The following ZNF708 variants were observed in gnomAD, a reference collection of about 807,000 sequenced individuals.
ZNF708 encodes zinc finger protein 708.
In ZNF708, 44 loss-of-function variants were observed where a neutral mutation model predicts 47.0. That is an observed-to-expected ratio of 0.94 (90% CI 0.74 to 1.20). The LOEUF is 1.20. ZNF708 is among the 50% of genes most tolerant of loss of function. The pLI, the probability that ZNF708 is intolerant of heterozygous loss-of-function variation, is 0.00. For missense variants in ZNF708, 557 were observed against 656.0 expected, an observed-to-expected ratio of 0.85 and a Z score of 1.65; for synonymous variants, 184 against 218.5, an observed-to-expected ratio of 0.84 and a Z score of 1.39.
intron 3 of ZNF708, 133 bp from the exon 4 acceptor site, chr19:21,294,872 A>G: frequency 1.1e-6 from 1 of 903,816 alleles, no homozygotes; most frequent in Non-Finnish European, 1.6e-6. Flanking sequence ...TTATAGACAT[A>G]TAAATGTAAC....
At chr19:21,315,115 G>A (rs868545282) in intron 1 of ZNF708, among the ~76,000 whole-genome samples, 1 of 152,270 alleles carries the variant, frequency 6.6e-6, no homozygotes, top group Middle Eastern at 3.4e-3. Context: ...TTGTGGTCTT[G>A]ATCTCTCACT....
intron 3 of ZNF708, among the ~76,000 whole-genome samples, chr19:21,296,887 CTTTG>C (rs1204418068): frequency 7.2e-5 from 11 of 151,844 alleles, no homozygotes; most frequent in African/African-American, 2.7e-4. Flanking sequence ...AATCCCAGCA[CTTTG>C]GGAGGCTGAG....
chr19:21,299,481 T>C (rs1972609859), intron 3 of ZNF708, among the ~76,000 whole-genome samples: 1 of 152,050 alleles, frequency 6.6e-6, no homozygotes, highest in Non-Finnish European at 1.5e-5. Flanking sequence ...TGAGGCACAG[T>C]GGCTCATGCC....
intron 3 of ZNF708, among the ~76,000 whole-genome samples, chr19:21,299,693 A>G (rs1972614506): frequency 6.6e-6 from 1 of 151,744 alleles, no homozygotes; most frequent in Non-Finnish European, 1.5e-5. Context: ...TAATTCCTTG[A>G]ACCCAGGAGG....
chr19:21,308,702 C>T (rs1284495404), intron 3 of ZNF708, among the ~76,000 whole-genome samples: 1 of 151,932 alleles, frequency 6.6e-6, no homozygotes, highest in African/African-American at 2.4e-5. Context: ...TGAGCCACTG[C>T]CCCCCCAGCC....
intron 3 of ZNF708, among the ~76,000 whole-genome samples, chr19:21,297,916 G>A (rs1168103811): frequency 6.6e-6 from 1 of 151,484 alleles, no homozygotes; most frequent in Non-Finnish European, 1.5e-5. Context: ...AGAGAAAAAA[G>A]GACACTGAAC....
At chr19:21,318,207 A>C (rs1973054905) in intron 1 of ZNF708, 1 of 152,206 alleles carries the variant, frequency 6.6e-6, no homozygotes, top group Non-Finnish European at 1.5e-5. Flanking sequence ...TTGCACCTTC[A>C]TAATAATGGG....
chr19:21,315,707 T>A (rs1972987403), intron 1 of ZNF708, among the ~76,000 whole-genome samples: 1 of 152,138 alleles, frequency 6.6e-6, no homozygotes, highest in East Asian at 1.9e-4. Flanking sequence ...CATTTTTTTA[T>A]TTACAAAAAT....
intron 1 of ZNF708, 113 bp downstream of exon 1, chr19:21,329,088 AGGAGAACTC>A: frequency 6.9e-7 from 1 of 1,440,254 alleles, no homozygotes; most frequent in South Asian, 1.2e-5. Flanking sequence ...GAGCTAGGCA[AGGAGAACTC>A]GGAGCGCAGA....
Position 21,293,047 on chromosome 19 carries a change from C to A in ZNF708, c.*227G>T. On this transcript the variant is annotated 3_prime_UTR_variant, in exon 4 of 4. Transcript: ENST00000356929. ...GTCTTCCAGCTTTGTAGTTTCTCTC[C>A]AGTTTAAGTTTTTTTATGTTTAGTA... 1.9e-6 allele frequency: 1 copy of A among 528,806 alleles called. No homozygotes were observed. Among genetic ancestry groups the A allele is most frequent in the Non-Finnish European group, 3.2e-6 (1 of 307,908 alleles). 32.8% of individuals were successfully genotyped at this position (528,806 alleles called of 1,614,324 possible).
At chr19:21,298,933 G>A (rs55899865) in intron 3 of ZNF708, among the ~76,000 whole-genome samples, 21,356 of 152,142 alleles carry the variant, frequency 0.14, 1,974 homozygotes, top group Non-Finnish European at 0.21. Flanking sequence ...TTAACATTAT[G>A]CAAAATGAAA....
chr19:21,306,710 C>G (rs558858574), intron 3 of ZNF708: 5 of 151,928 alleles, frequency 3.3e-5, no homozygotes, highest in Non-Finnish European at 7.4e-5. Flanking sequence ...TTTGCGAGAC[C>G]GAGGCAGGCA....
chr19:21,317,505 T>C (rs904081790), intron 1 of ZNF708, among the ~76,000 whole-genome samples: 1 of 152,216 alleles, frequency 6.6e-6, no homozygotes, highest in African/African-American at 2.4e-5. Flanking sequence ...AGAGTAAAGC[T>C]TGGTTGACAC....
chr19:21,314,376 T>C (rs575206136), intron 1 of ZNF708, among the ~76,000 whole-genome samples: 1 of 150,546 alleles, frequency 6.6e-6, no homozygotes, highest in East Asian at 1.9e-4. Flanking sequence ...GGTAATATTA[T>C]TAGAAGATAA....
intron 1 of ZNF708, among the ~76,000 whole-genome samples, chr19:21,322,394 C>T (rs542284962): frequency 2.8e-4 from 42 of 151,984 alleles, no homozygotes; most frequent in African/African-American, 9.2e-4. Flanking sequence ...CTCTGCCTCC[C>T]GGGTTCAAGT....
chr19:21,294,013 G>T lies in ZNF708; in HGVS notation c.953C>A (p.Thr318Asn), dbSNP rs1327437728. The change falls in exon 4 of 4, where the codon ACC becomes AAC. Residue 318 changes from threonine (T) to asparagine (N), a missense_variant. Physicochemically the swap from Thr to Asn is moderately conservative, Grantham distance 65. Coordinates refer to ENST00000356929, the MANE Select transcript of ZNF708 (RefSeq NM_021269.3). ...YKCGECGKAF[T>N]LSSHLTTHKR... ...ATGTGTAGTAAGGTGTGAAGATAGG[G>T]TAAAGGCTTTGCCACATTCTCCACA... 1 of 1,604,922 alleles carries T rather than the reference G, an allele frequency of 6.2e-7. No individual in the cohort carries two copies. Among genetic ancestry groups the T allele is most frequent in the African/African-American group, 1.4e-5 (1 of 72,432 alleles).
Position 21,291,160 on chromosome 19 carries a change from T to C in ZNF708, c.*2114A>G, listed in dbSNP as rs1850532942. ...TAATGAAACAAGTTCACACATCATC[T>C]GAAAATTTAAAAATGTACTGCATTT... On this transcript the variant is annotated 3_prime_UTR_variant, in exon 4 of 4. Transcript: ENST00000356929. 6.6e-6 allele frequency: 1 copy of C among 152,144 alleles called. No individual in the cohort carries two copies. Among genetic ancestry groups the C allele is most frequent in the African/African-American group, 2.4e-5 (1 of 41,450 alleles). The allele number at this position is 152,144 out of a possible 1,614,324, so 9.4% of individuals were successfully genotyped here.
At chr19:21,310,451 A>C in intron 2 of ZNF708, 50 bp downstream of exon 2, 1 of 964,852 alleles carries the variant, frequency 1.0e-6, no homozygotes, top group Non-Finnish European at 1.3e-6. Context: ...TCTCAAAAAA[A>C]AAAATAATAA....
Position 21,321,720 on chromosome 19 carries a change from G to GAAGAAAGA in ZNF708, c.3+7482_3+7489dup, listed in dbSNP as rs1555723600. ...GAAAGAAAGAAAGGAAGGAAGGAAG[G>GAAGAAAGA]AAGAAAGAAAGGGAAAAGGAAAAGA... On this transcript the variant is annotated intron_variant, in intron 1 of 3. Transcript: ENST00000356929. 2.1e-5 allele frequency among the ~76,000 whole-genome samples: 3 copies of GAAGAAAGA among 143,694 alleles called. No homozygotes were observed. The South Asian group carries it at 6.7e-4, about 32-fold the overall frequency. The allele number at this position is 143,694 out of a possible 152,430, so 94.3% of individuals were successfully genotyped here.
Sources: allele counts gnomAD v4.1 joint callset (sites outside exome capture counted in the v4.1 genomes callset), GRCh38; gene constraint gnomAD v4.1.1; transcripts MANE v1.5; gene names NCBI Gene and HGNC (gene_info 2026-07-23, HGNC 2026-07-21).